TFAP2D: variants seen among roughly 807,000 people sequenced by gnomAD.
TFAP2D encodes transcription factor AP-2-delta.
In TFAP2D, 9 loss-of-function variants were observed where a neutral mutation model predicts 43.6. That is an observed-to-expected ratio of 0.21 (90% confidence interval 0.12 to 0.36). The LOEUF is 0.36. TFAP2D is among the 10% of genes least tolerant of loss of function. TFAP2D has a pLI of 1.00. For synonymous variants in TFAP2D, 256 were observed against 224.9 expected (o/e 1.14, Z -1.24); for missense variants, 513 against 561.4 (o/e 0.91, Z 0.87).
intron 7 of TFAP2D, among the ~76,000 whole-genome samples, chr6:50,759,928 A>G (rs1421626025): frequency 1.3e-5 from 2 of 152,052 alleles, no homozygotes; most frequent in Non-Finnish European, 2.9e-5. Flanking sequence ...GATTCAGGGT[A>G]GTCATAAACA....
chr6:50,758,345 G>C (rs1252937242), intron 7 of TFAP2D, among the ~76,000 whole-genome samples: 1 of 151,834 alleles, frequency 6.6e-6, no homozygotes, highest in African/African-American at 2.4e-5. Flanking sequence ...CTCAAGCTTG[G>C]AAACTCTCAA....
At chr6:50,769,699 C>A (rs1001776551) in intron 7 of TFAP2D, among the ~76,000 whole-genome samples, 3 of 152,140 alleles carry the variant, frequency 2.0e-5, no homozygotes, top group Admixed American at 2.0e-4. Context: ...GCTAAAACTG[C>A]CCACAGAAAA....
At chr6:50,761,982 G>A (rs939909742) in intron 7 of TFAP2D, among the ~76,000 whole-genome samples, 3 of 151,934 alleles carry the variant, frequency 2.0e-5, no homozygotes, top group Non-Finnish European at 4.4e-5. Context: ...CCTATTATAT[G>A]GAATTTTCTG....
At chr6:50,719,053 C>T in intron 2 of TFAP2D, 37 bp from the exon 3 acceptor site, 1 of 1,601,912 alleles carries the variant, frequency 6.2e-7, no homozygotes, top group African/African-American at 1.3e-5. Flanking sequence ...ATATGAGTAT[C>T]CATTTAAGTA....
chr6:50,717,693 A>T (rs1330156529), intron 2 of TFAP2D, among the ~76,000 whole-genome samples: 2 of 152,212 alleles, frequency 1.3e-5, no homozygotes, highest in Non-Finnish European at 2.9e-5. Flanking sequence ...ATATATATCC[A>T]TCTTTATCTA....
intron 5 of TFAP2D, among the ~76,000 whole-genome samples, chr6:50,732,981 G>A (rs963087174): frequency 3.9e-5 from 6 of 152,090 alleles, no homozygotes; most frequent in Non-Finnish European, 7.4e-5. Flanking sequence ...TTTTAGGGAT[G>A]TATAAGATAG....
At chr6:50,729,170 T>G in intron 4 of TFAP2D, 24 bp from the exon 5 acceptor site, 1 of 1,610,072 alleles carries the variant, frequency 6.2e-7, no homozygotes, top group Non-Finnish European at 8.5e-7. Context: ...TTTCAAAACC[T>G]AGTTTTTGTT....
At chr6:50,760,269 G>A (rs1769345049) in intron 7 of TFAP2D, among the ~76,000 whole-genome samples, 2 of 152,098 alleles carry the variant, frequency 1.3e-5, no homozygotes, top group Non-Finnish European at 2.9e-5. Context: ...GAGGAATGCA[G>A]ACATAATAGT....
At chr6:50,728,454 A>C (rs1768839001) in intron 3 of TFAP2D, among the ~76,000 whole-genome samples, 1 of 152,218 alleles carries the variant, frequency 6.6e-6, no homozygotes, top group East Asian at 1.9e-4. Flanking sequence ...CATTGTGTAC[A>C]TTGTGCATCT....
chr6:50,741,709 A>G (rs992096614), intron 5 of TFAP2D, among the ~76,000 whole-genome samples: 1 of 151,498 alleles, frequency 6.6e-6, no homozygotes, highest in African/African-American at 2.4e-5. Flanking sequence ...TAAAAAAAAA[A>G]GGTGCATGGC....
chr6:50,748,959 A>G (rs1019415314), intron 6 of TFAP2D, among the ~76,000 whole-genome samples: 1 of 151,820 alleles, frequency 6.6e-6, no homozygotes, highest in South Asian at 2.1e-4. Flanking sequence ...TCATAATATG[A>G]CATTTTGCCT....
At chr6:50,756,189 G>A (rs777963873) in intron 7 of TFAP2D, among the ~76,000 whole-genome samples, 38 of 151,998 alleles carry the variant, frequency 2.5e-4, no homozygotes, top group Admixed American at 3.3e-4. Flanking sequence ...AAAATTTTCC[G>A]CTGACAGTGA....
intron 5 of TFAP2D, among the ~76,000 whole-genome samples, chr6:50,729,873 A>G (rs1473922436): frequency 6.6e-6 from 1 of 152,156 alleles, no homozygotes; most frequent in Admixed American, 6.6e-5. Context: ...AGAAAGAGAA[A>G]TGGAAATGAA....
At chr6:50,743,839 T>C (rs1231481700) in intron 5 of TFAP2D, among the ~76,000 whole-genome samples, 1 of 152,172 alleles carries the variant, frequency 6.6e-6, no homozygotes, top group Non-Finnish European at 1.5e-5. Context: ...AGATTATAGG[T>C]AATATTCATA....
intron 7 of TFAP2D, among the ~76,000 whole-genome samples, chr6:50,755,550 A>G (rs1222303829): frequency 1.3e-5 from 2 of 151,904 alleles, no homozygotes; most frequent in Non-Finnish European, 2.9e-5. Flanking sequence ...GTTGATTCTG[A>G]TAGGTAGGTT....
At chr6:50,767,436 T>G (rs887485426) in intron 7 of TFAP2D, among the ~76,000 whole-genome samples, 2 of 152,218 alleles carry the variant, frequency 1.3e-5, no homozygotes, top group Non-Finnish European at 2.9e-5. Context: ...CCATTCCTCT[T>G]CCTCACTTTG....
chr6:50,719,791 G>A (rs1396079853), intron 3 of TFAP2D, among the ~76,000 whole-genome samples: 2 of 152,166 alleles, frequency 1.3e-5, no homozygotes, highest in South Asian at 2.1e-4. Flanking sequence ...AAGCTTTCTT[G>A]TTCCCATCTG....
intron 5 of TFAP2D, among the ~76,000 whole-genome samples, chr6:50,743,492 C>T (rs769607170): frequency 2.0e-5 from 3 of 151,962 alleles, no homozygotes; most frequent in South Asian, 2.1e-4. Flanking sequence ...AGCAATCCTC[C>T]GGCCTCAGAC....
intron 3 of TFAP2D, among the ~76,000 whole-genome samples, chr6:50,727,347 G>C (rs995421742): frequency 1.3e-5 from 2 of 152,098 alleles, no homozygotes; most frequent in Non-Finnish European, 1.5e-5. Context: ...TGTCCTCCCA[G>C]GTTCTTTTGC....
Sources: gnomAD v4.1 joint callset for allele counts (sites outside exome capture counted in the v4.1 genomes callset) on GRCh38, gnomAD v4.1.1 for gene constraint, MANE v1.5 for transcripts, NCBI Gene and HGNC (gene_info 2026-07-23, HGNC 2026-07-21) for gene names.